PCDH15: variants seen among roughly 807,000 people sequenced by gnomAD.
PCDH15 encodes the protein protocadherin-15.
A neutral mutation model predicts 178.5 loss-of-function variants in PCDH15; 129 were observed. That is an observed-to-expected ratio of 0.72 (90% CI 0.63 to 0.84). The LOEUF (loss-of-function observed/expected upper bound fraction) is 0.84, where lower values mean the gene tolerates loss of function less well. PCDH15 is among the 40% of genes least tolerant of loss of function. The pLI, the probability that PCDH15 is intolerant of heterozygous loss-of-function variation, is 0.00. For missense variants in PCDH15, 2,230 were observed against 2,099.9 expected (o/e 1.06, Z -1.21); for synonymous variants, 800 against 732.0 (o/e 1.09, Z -1.50).
chr10:55,390,147 C>A (rs554513069), intron 2 of PCDH15, among the ~76,000 whole-genome samples: 52 of 151,804 alleles, frequency 3.4e-4, no homozygotes, highest in Non-Finnish European at 6.8e-4. Flanking sequence ...TCTTCCAAGA[C>A]ATATAAAATT....
At chr10:55,390,764 C>A (rs1306341811) in intron 2 of PCDH15, among the ~76,000 whole-genome samples, 2 of 152,162 alleles carry the variant, frequency 1.3e-5, no homozygotes, top group African/African-American at 4.8e-5. Context: ...TTGTACATCT[C>A]CATCAGAGCT....
intron 2 of PCDH15, among the ~76,000 whole-genome samples, chr10:55,328,194 C>A (rs981486101): frequency 6.6e-6 from 1 of 151,484 alleles, no homozygotes; most frequent in Non-Finnish European, 1.5e-5. Flanking sequence ...CACACATACA[C>A]ACTACACTAT....
chr10:55,492,496 A>C (rs566763764), intron 2 of PCDH15, among the ~76,000 whole-genome samples: 1 of 151,898 alleles, frequency 6.6e-6, no homozygotes, highest in African/African-American at 2.4e-5. Context: ...TACACAACAC[A>C]GGGTAAACAG....
At chr10:54,893,942 C>G (rs927756874) in intron 3 of PCDH15, among the ~76,000 whole-genome samples, 9 of 152,026 alleles carry the variant, frequency 5.9e-5, no homozygotes, top group African/African-American at 2.2e-4. Flanking sequence ...CCTTGCTTGT[C>G]TAATCATCTG....
At chr10:55,251,694 A>G (rs566900521) in intron 1 of PCDH15, among the ~76,000 whole-genome samples, 1 of 152,288 alleles carries the variant, frequency 6.6e-6, no homozygotes, top group African/African-American at 2.4e-5. Context: ...ATGAATGTCC[A>G]CAGGTCCAAT....
intron 2 of PCDH15, among the ~76,000 whole-genome samples, chr10:55,091,049 T>C (rs1298358782): frequency 6.6e-6 from 1 of 151,928 alleles, no homozygotes; most frequent in East Asian, 1.9e-4. Context: ...CTACTATTGT[T>C]TCATAATTTT....
chr10:53,874,757 A>T (rs1054666429), intron 26 of PCDH15, among the ~76,000 whole-genome samples: 1 of 152,180 alleles, frequency 6.6e-6, no homozygotes, highest in Non-Finnish European at 1.5e-5. Context: ...AATCAAATTC[A>T]TAACAACATA....
chr10:54,163,273 T>C lies in PCDH15; in HGVS notation c.1591-9980A>G, dbSNP rs528355772. ...TAAGGAACTAACTCAGACTGGGTAA[T>C]TTATGAAGAAACGAGTTTTAATTGA... On this transcript the variant is annotated intron_variant, in intron 13 of 37. Transcript: ENST00000644397. Among the ~76,000 whole-genome samples the C allele has an allele frequency of 2.0e-5, 3 of 152,072 alleles. No individual in the cohort carries two copies. The South Asian group carries it at 6.2e-4, about 32-fold the overall frequency.
At chr10:55,614,745 T>A (rs1244308235) in intron 2 of PCDH15, among the ~76,000 whole-genome samples, 1 of 152,180 alleles carries the variant, frequency 6.6e-6, no homozygotes, top group African/African-American at 2.4e-5. Context: ...GGTGTTTAAA[T>A]GAACCAAAGT....
intron 2 of PCDH15, among the ~76,000 whole-genome samples, chr10:55,574,870 C>A (rs766107475): frequency 5.3e-5 from 8 of 151,966 alleles, no homozygotes; most frequent in African/African-American, 1.2e-4. Context: ...ATATTTCTGG[C>A]TCCCTTTATA....
intron 21 of PCDH15, among the ~76,000 whole-genome samples, chr10:53,972,949 G>A (rs1377456753): frequency 6.6e-6 from 1 of 152,020 alleles, no homozygotes; most frequent in Non-Finnish European, 1.5e-5. Context: ...GGGCATATAT[G>A]CAAAGGATTA....
intron 3 of PCDH15, among the ~76,000 whole-genome samples, chr10:54,395,682 A>G (rs1399280346): frequency 1.3e-5 from 2 of 152,146 alleles, no homozygotes; most frequent in South Asian, 2.1e-4. Context: ...ACACACACCT[A>G]CACACACAAA....
chr10:54,022,964 C>G lies in PCDH15; in HGVS notation c.2454G>C (p.Val818=). The change falls in exon 19 of 38, where the codon GTG becomes GTC. Residue 818 remains valine, a synonymous_variant. Transcript: ENST00000644397. The part of the protein sequence containing the change: ...KVLDIDDNSP[V]FTNSTYTVLV... ...GGACAGTGTATGTTGAATTGGTGAACACAGGACTGTTATCATCAATGTCCA... is the reference window on the plus strand; with the variant it reads ...GGACAGTGTATGTTGAATTGGTGAAGACAGGACTGTTATCATCAATGTCCA... 1 of 1,613,888 alleles carries G rather than the reference C, an allele frequency of 6.2e-7. No homozygotes were observed. The highest frequency in any genetic ancestry group is 1.1e-5 in the South Asian group (1 of 91,084).
At chr10:53,932,026 C>G (rs1157652059) in intron 25 of PCDH15, among the ~76,000 whole-genome samples, 1 of 152,182 alleles carries the variant, frequency 6.6e-6, no homozygotes, top group African/African-American at 2.4e-5. Context: ...GAAGTTCCTA[C>G]TTCAATATTA....
At chr10:55,378,258 T>C (rs1296130436) in intron 2 of PCDH15, among the ~76,000 whole-genome samples, 3 of 152,042 alleles carry the variant, frequency 2.0e-5, no homozygotes, top group African/African-American at 7.2e-5. Context: ...CAAGATGAAG[T>C]AGACATGAAA....
chr10:55,050,515 T>C lies in PCDH15; in HGVS notation c.-80+116061A>G, dbSNP rs191757863. Among the ~76,000 whole-genome samples, 73 of 152,144 alleles carry C rather than the reference T, an allele frequency of 4.8e-4. 1 individual carries two copies. The highest frequency in any genetic ancestry group is 1.7e-3 in the African/African-American group (70 of 41,562). The stretch of plus-strand genomic sequence containing the variant: ...AACAAAGTACCTTGTATATAAAATG[T>C]CCAATACAGTTCAGTAATTATTATT... On this transcript the variant is annotated intron_variant, in intron 2 of 5. Coordinates refer to the PCDH15 transcript ENST00000458638.
At chr10:54,185,069 T>A in intron 12 of PCDH15, 65 bp downstream of exon 12, 1 of 1,575,630 alleles carries the variant, frequency 6.3e-7, no homozygotes, top group Admixed American at 1.7e-5. Context: ...TCTCTTTCAG[T>A]TCCATACAAA....
intron 28 of PCDH15, among the ~76,000 whole-genome samples, chr10:53,845,034 T>C (rs1038913863): frequency 6.6e-6 from 1 of 151,498 alleles, no homozygotes; most frequent in Non-Finnish European, 1.5e-5. Flanking sequence ...AAAAACCAAA[T>C]AATCCAATTT....
At chr10:53,975,805 T>C (rs1564907601) in intron 21 of PCDH15, among the ~76,000 whole-genome samples, 1 of 152,178 alleles carries the variant, frequency 6.6e-6, no homozygotes, top group Non-Finnish European at 1.5e-5. Flanking sequence ...TTGTTTTTGT[T>C]GTAATTGCTT....
Sources: gnomAD v4.1 joint callset for allele counts (sites outside exome capture counted in the v4.1 genomes callset) on GRCh38, gnomAD v4.1.1 for gene constraint, MANE v1.5 for transcripts, NCBI Gene and HGNC (gene_info 2026-07-23, HGNC 2026-07-21) for gene names.